The following ARHGAP33 variants were observed in gnomAD, a reference collection of about 807,000 sequenced individuals.
The protein encoded by ARHGAP33 is rho GTPase-activating protein 33.
ARHGAP33 carries 57 observed loss-of-function variants against 126.2 expected under a neutral mutation model. That is an observed-to-expected ratio of 0.45 (90% CI 0.36 to 0.56). The LOEUF (loss-of-function observed/expected upper bound fraction) is 0.56, where lower values mean the gene tolerates loss of function less well. Ranked by LOEUF, ARHGAP33 falls within the 20% of genes least tolerant of loss-of-function variation. The pLI is 0.00. For synonymous variants in ARHGAP33, 711 were observed against 755.0 expected (o/e 0.94, Z 0.95); for missense variants, 1,500 against 1,748.3 (o/e 0.86, Z 2.53).
At position 35,785,271 on chromosome 19, in the gene ARHGAP33, A is replaced by C. The variant is rs183526862; in HGVS notation, c.1804A>C (p.Ser602Arg). Residue 602 changes from serine to arginine, a missense_variant, in exon 18 of 21, where the codon AGT (serine) becomes CGT (arginine). This residue lies in a region of ARHGAP33 where 300 missense variants were observed against 291.1 expected (regional missense o/e 1.03). Coordinates refer to ENST00000007510, the MANE Select transcript of ARHGAP33 (RefSeq NM_001366178.1). ...KTFFALGRGP[S>R]VPRKKPLPWL... ...GTTCTTTGCACTGGGCCGGGGCCCC[A>C]GTGTCCCTCGAAAGAAGCCCCTGCC... 2 of 1,597,742 alleles carry C rather than the reference A, an allele frequency of 1.3e-6. No homozygotes were observed. The highest frequency in any genetic ancestry group is 2.2e-5 in the East Asian group (1 of 44,634).
At position 35,782,623 on chromosome 19, in the gene ARHGAP33, G is replaced by A. The variant is rs761486070; in HGVS notation, c.1257G>A (p.Glu419=). 1.2e-6 allele frequency: 2 copies of A among 1,613,766 alleles called. No individual in the cohort carries two copies. Among genetic ancestry groups the A allele is most frequent in the African/African-American group, 2.7e-5 (2 of 75,040 alleles). ...AGGCCATGTCAGTGCCTGGGGAGGA[G>A]GAGCGTCTGGTGCGGGTGCACGATG... ...FSEAMSVPGE[E]ERLVRVHDVI... Residue 419 remains glutamate, a synonymous_variant, in exon 14 of 21, where the codon GAG becomes GAA. Coordinates refer to ENST00000007510, the MANE Select transcript of ARHGAP33 (RefSeq NM_001366178.1). The surrounding 1 kb of genome is among the most constrained non-coding windows in gnomAD (Gnocchi z 4.1).
intron 1 of ARHGAP33, among the ~76,000 whole-genome samples, chr19:35,776,189 G>T (rs1001380939): frequency 3.0e-5 from 4 of 134,854 alleles, no homozygotes; most frequent in South Asian, 2.4e-4. Context: ...CCCCCGCCCC[G>T]CATCAGTCTG....
chr19:35,781,118 G>T (rs1002333668), intron 11 of ARHGAP33, 32 bp from the exon 12 acceptor site: 9 of 1,611,224 alleles, frequency 5.6e-6, no homozygotes, highest in Non-Finnish European at 7.6e-6. Context: ...CAGGGCTGCG[G>T]CCCACCCAGC....
In ARHGAP33 at chr19:35,780,497, A is replaced by G. The variant is rs1275734651; in HGVS notation, c.701A>G (p.Gln234Arg). The G allele has an allele frequency of 6.2e-7, 1 of 1,606,598 alleles. No homozygotes were observed. The highest frequency in any genetic ancestry group is 8.5e-7 in the Non-Finnish European group (1 of 1,175,172). The change falls in exon 8 of 21, where the codon CAG (glutamine) becomes CGG (arginine). Residue 234 changes from glutamine to arginine, a missense_variant and splice_region_variant. Around this residue, in one of 6 missense-constraint regions of ARHGAP33, gnomAD observed 281 missense variants for 413.7 expected, o/e 0.68. Transcript: ENST00000007510. The part of the protein sequence containing the change: ...RSWWRGKRGF[Q>R]VGFFPSECVE... ...TGGTGGCGGGGCAAGCGAGGCTTCC[A>G]GGTGAGTCCAGCTGGGCGCGGACAG... is the stretch of plus-strand genomic sequence containing the variant.
chr19:35,782,148 T>C lies in ARHGAP33; in HGVS notation c.1086-225T>C, dbSNP rs1369448094. ...GTAGCTGCAGGCAGAGGCACCTCTG[T>C]CTGAGCCTCAGCATCCTCCTCTGTA... On this transcript the variant is annotated intron_variant, in intron 12 of 20. Transcript: ENST00000007510. The surrounding 1 kb of genome is among the most constrained non-coding windows in gnomAD (Gnocchi z 4.1). Among the ~76,000 whole-genome samples the C allele has an allele frequency of 6.6e-6, 1 of 152,162 alleles. No individual in the cohort carries two copies. Among genetic ancestry groups the C allele is most frequent in the Non-Finnish European group, 1.5e-5 (1 of 68,018 alleles).
At chr19:35,778,017 C>T (rs1309818427) in intron 3 of ARHGAP33, 109 bp downstream of exon 3, 3 of 1,342,080 alleles carry the variant, frequency 2.2e-6, no homozygotes, top group Non-Finnish European at 3.2e-6. Context: ...CTGGCTGCTG[C>T]ACGCGTCTGA....
At chr19:35,785,764 C>G (rs1224626345) in intron 19 of ARHGAP33, 1 of 1,271,236 alleles carries the variant, frequency 7.9e-7, no homozygotes, top group African/African-American at 1.5e-5. Flanking sequence ...ACCCATGAAC[C>G]CAGCAGCCAG....
intron 16 of ARHGAP33, 89 bp from the exon 17 acceptor site, chr19:35,784,864 G>A (rs1972020408): frequency 1.4e-6 from 2 of 1,412,988 alleles, no homozygotes; most frequent in Non-Finnish European, 1.8e-6. Context: ...GCATGCTGCG[G>A]GGCCGGGGCT....
chr19:35,784,822 G>T, intron 16 of ARHGAP33, 131 bp from the exon 17 acceptor site: 2 of 1,211,206 alleles, frequency 1.7e-6, no homozygotes, highest in Non-Finnish European at 2.1e-6. Flanking sequence ...CGCCTGATCC[G>T]CCCCGGCCCC....
intron 16 of ARHGAP33, chr19:35,784,584 C>T: frequency 7.6e-7 from 1 of 1,315,882 alleles, no homozygotes; most frequent in Non-Finnish European, 9.6e-7. Flanking sequence ...GCCATGGGTC[C>T]ACCTGGGAGG....
chr19:35,779,206 G>T (rs75900693), intron 6 of ARHGAP33, 82 bp downstream of exon 6: 1 of 1,137,504 alleles, frequency 8.8e-7, no homozygotes, highest in South Asian at 1.5e-5. Context: ...GTGTGTGTGT[G>T]GGCATAGAAA....
Position 35,785,086 on chromosome 19 carries a change from C to A in ARHGAP33, c.1701C>A (p.Ala567=). 2 of 1,577,330 alleles carry A rather than the reference C, an allele frequency of 1.3e-6. No homozygotes were observed. Among genetic ancestry groups the A allele is most frequent in the Non-Finnish European group, 1.7e-6 (2 of 1,161,008 alleles). The change falls in exon 17 of 21, where the codon GCC becomes GCA. Residue 567 remains alanine (A), a synonymous_variant. Transcript: ENST00000007510. ...CCACGGAGCCCACAACTCCCAAGGC[C>A]CCGGCCTCACCTGCGGAAAGGTGAG... ...GTPTEPTTPK[A]PASPAERRKG...
chr19:35,788,425 G>A lies in ARHGAP33; in HGVS notation c.3860G>A (p.Cys1287Tyr). ...LHSEGQTRSYC is the reference protein window; with the variant it reads ...LHSEGQTRSYY ...TCTGAGGGCCAGACCCGAAGCTACT[G>A]CTGAGCACCAGCTGGGAGGGGCCGT... Residue 1287 changes from cysteine to tyrosine, a missense_variant, in exon 21 of 21, where the codon TGC (cysteine) becomes TAC (tyrosine). Physicochemically the swap from Cys to Tyr is radical, Grantham distance 194 (BLOSUM62 -2). Transcript: ENST00000007510. The A allele has an allele frequency of 6.4e-7, 1 of 1,551,062 alleles. No homozygotes were observed. The highest frequency in any genetic ancestry group is 8.7e-7 in the Non-Finnish European group (1 of 1,147,352).
At chr19:35,781,927 G>T in intron 12 of ARHGAP33, among the ~76,000 whole-genome samples, 1 of 152,146 alleles carries the variant, frequency 6.6e-6, no homozygotes, top group East Asian at 1.9e-4. Flanking sequence ...CTTGAAGCCT[G>T]CAGGGGGGTG....
In ARHGAP33 at chr19:35,782,907, T is replaced by C; in HGVS notation, c.1421+38T>C. 6.4e-7 allele frequency: 1 copy of C among 1,559,046 alleles called. No homozygotes were observed. On this transcript the variant is annotated intron_variant, in intron 15 of 20. Transcript: ENST00000007510. This position sits in a 1 kb window ranked among gnomAD's most constrained non-coding sequence, Gnocchi z 4.1. ...CTCGCCTGCCTGCCCCTCAGGTCTT[T>C]CCCCAAAACCACCCCAGGAACCCGC...
At position 35,777,813 on chromosome 19, in the gene ARHGAP33, C is replaced by G. The variant is rs1353892574; in HGVS notation, c.105-11C>G. ...CAAGGAGCTGCTGGTGACGCATCCCCTGTCTCCCAGGCTCTCAGCTCCTCG... is the reference window on the plus strand; with the variant it reads ...CAAGGAGCTGCTGGTGACGCATCCCGTGTCTCCCAGGCTCTCAGCTCCTCG... On this transcript the variant is annotated splice_polypyrimidine_tract_variant and intron_variant, in intron 2 of 20. Coordinates refer to ENST00000007510, the MANE Select transcript of ARHGAP33 (RefSeq NM_001366178.1). 2 of 1,614,044 alleles carry G rather than the reference C, an allele frequency of 1.2e-6. No individual in the cohort carries two copies. Among genetic ancestry groups the G allele is most frequent in the African/African-American group, 1.3e-5 (1 of 74,924 alleles).
Position 35,788,050 on chromosome 19 carries a change from C to T in ARHGAP33, c.3485C>T (p.Pro1162Leu). 6.2e-7 allele frequency: 1 copy of T among 1,611,030 alleles called. No individual in the cohort carries two copies. The highest frequency in any genetic ancestry group is 8.5e-7 in the Non-Finnish European group (1 of 1,178,988). The change falls in exon 21 of 21, where the codon CCT becomes CTT. Residue 1162 changes from proline to leucine, a missense_variant. Physicochemically the swap from Pro to Leu is moderately conservative, Grantham distance 98 (BLOSUM62 -3). This residue lies in a region of ARHGAP33 where 642 missense variants were observed against 634.0 expected (regional missense o/e 1.01). Transcript: ENST00000007510. ...YSAPQHPARR[P>L]TPPEPLYVNL... is the part of the protein sequence containing the mutation. ...GCCCCCCAGCACCCTGCTCGGCGCCCTACACCGCCTGAGCCCCTCTACGTC... is the reference window on the plus strand; with the variant it reads ...GCCCCCCAGCACCCTGCTCGGCGCCTTACACCGCCTGAGCCCCTCTACGTC...
chr19:35,778,621 A>T lies in ARHGAP33; in HGVS notation c.408+20A>T. 1 of 1,608,610 alleles carries T rather than the reference A, an allele frequency of 6.2e-7. No individual in the cohort carries two copies. Among genetic ancestry groups the T allele is most frequent in the Non-Finnish European group, 8.5e-7 (1 of 1,177,374 alleles). On this transcript the variant is annotated intron_variant, in intron 5 of 20. Transcript: ENST00000007510. The stretch of plus-strand genomic sequence containing the variant: ...GCCCAGGTAACCTGCTTGTTGTCTC[A>T]GCCCCTGCCTCATGAGTGTGTCCTC...
chr19:35,784,307 C>T lies in ARHGAP33; in HGVS notation c.1557C>T (p.Leu519=), dbSNP rs781777319. ...LFSDTFTSAG[L]DPAGRCLLPR... ...GCGACACCTTCACCTCCGCCGGCCT[C>T]GACCCTGCAGGTATGCCCTCCCACC... is the stretch of plus-strand genomic sequence containing the variant. The change falls in exon 16 of 21, where the codon CTC becomes CTT. Residue 519 remains leucine, a synonymous_variant. Transcript: ENST00000007510. 5 of 1,581,740 alleles carry T rather than the reference C, an allele frequency of 3.2e-6. No individual in the cohort carries two copies. Among genetic ancestry groups the T allele is most frequent in the South Asian group, 2.3e-5 (2 of 85,642 alleles).
Sources: allele counts gnomAD v4.1 joint callset (sites outside exome capture counted in the v4.1 genomes callset), GRCh38; gene constraint gnomAD v4.1.1; regional missense constraint gnomAD v4.1.1; non-coding constraint Gnocchi (gnomAD v3.1); transcripts MANE v1.5; gene names NCBI Gene and HGNC (gene_info 2026-07-23, HGNC 2026-07-21).